MYO16: variants seen among roughly 807,000 people sequenced by gnomAD.
MYO16 encodes the protein myosin XVI.
In MYO16, 94 loss-of-function variants were observed where a neutral mutation model predicts 205.3. That is an observed-to-expected ratio of 0.46 (90% CI 0.39 to 0.54). The LOEUF (loss-of-function observed/expected upper bound fraction) is 0.54, where lower values mean the gene tolerates loss of function less well. MYO16 is among the 20% of genes least tolerant of loss of function. The probability of loss-of-function intolerance (pLI) is 0.00; values close to 1 mark genes in which losing one functional copy is unlikely to be tolerated. For missense variants in MYO16, 2,315 were observed against 2,387.5 expected (o/e 0.97, Z 0.63); for synonymous variants, 988 against 954.0 (o/e 1.04, Z -0.66).
chr13:108,677,651 C>T (rs1181812901), intron 2 of MYO16, among the ~76,000 whole-genome samples: 1 of 151,896 alleles, frequency 6.6e-6, no homozygotes, highest in Non-Finnish European at 1.5e-5. Context: ...AGTGTCACTT[C>T]CTCTGTGTCA....
chr13:108,842,793 G>C (rs928906277), intron 9 of MYO16, among the ~76,000 whole-genome samples: 6 of 152,068 alleles, frequency 3.9e-5, no homozygotes, highest in African/African-American at 1.4e-4. Flanking sequence ...TCTCAAAGAG[G>C]TATGTACTGT....
At chr13:109,191,989 T>A (rs1879938262) in intron 34 of MYO16, among the ~76,000 whole-genome samples, 1 of 152,158 alleles carries the variant, frequency 6.6e-6, no homozygotes, top group African/African-American at 2.4e-5. Flanking sequence ...GACCCCATAT[T>A]TCTGATAATT....
chr13:108,593,113 C>T (rs2139287135), upstream of MYO16, among the ~76,000 whole-genome samples: 1 of 152,196 alleles, frequency 6.6e-6, no homozygotes, highest in Admixed American at 6.5e-5. Context: ...TGAGGGGCCT[C>T]TTTTCTCTCT....
Position 108,898,127 on chromosome 13 carries a change from A to G in MYO16, c.1771A>G (p.Thr591Ala). Residue 591 changes from threonine (T) to alanine (A), a missense_variant, in exon 15 of 35, where the codon ACC (threonine) becomes GCC (alanine). By Grantham distance (58) the Thr-to-Ala change is moderately conservative. This residue lies in a region of MYO16 where 1,213 missense variants were observed against 1,274.4 expected (regional missense o/e 0.95). Transcript: ENST00000457511. Reference sequence around the variant, plus strand: ...GTTCTGTGAGAGGAAACAACAGCTAACCGGAGGTAAGTGCAGTATTTGACA... The same window carrying G: ...GTTCTGTGAGAGGAAACAACAGCTAGCCGGAGGTAAGTGCAGTATTTGACA... ...LQFCERKQQL[T>A]GARIYTYLLE... The G allele has an allele frequency of 6.2e-7, 1 of 1,607,364 alleles. No homozygotes were observed. The highest frequency in any genetic ancestry group is 2.2e-5 in the East Asian group (1 of 44,846).
intron 1 of MYO16, among the ~76,000 whole-genome samples, chr13:108,634,645 T>C (rs1880143487): frequency 6.6e-6 from 1 of 152,188 alleles, no homozygotes; most frequent in South Asian, 2.1e-4. Flanking sequence ...GGAATCCACT[T>C]TACTTAAACC....
chr13:108,855,522 T>A lies in MYO16; in HGVS notation c.1328T>A (p.Ile443Asn). Residue 443 changes from isoleucine to asparagine, a missense_variant, in exon 11 of 35, where the codon ATT becomes AAT. Ile to Asn is a moderately radical substitution (Grantham distance 149). This residue lies in a region of MYO16 where 1,213 missense variants were observed against 1,274.4 expected (regional missense o/e 0.95). Transcript: ENST00000457511. ...AATGATGGCAGCCTGCTCTATGAGA[T>A]TCAGAAGCGCTTTGGGAACAATCAG... ...ELNDGSLLYE[I>N]QKRFGNNQIY... is the part of the protein sequence containing the mutation. 1 of 1,594,322 alleles carries A rather than the reference T, an allele frequency of 6.3e-7. No individual in the cohort carries two copies. Among genetic ancestry groups the A allele is most frequent in the Non-Finnish European group, 8.6e-7 (1 of 1,164,660 alleles).
chr13:108,801,838 A>G (rs1886977499), intron 6 of MYO16, among the ~76,000 whole-genome samples: 1 of 152,246 alleles, frequency 6.6e-6, no homozygotes, highest in Admixed American at 6.5e-5. Flanking sequence ...GTTAGTACAC[A>G]GTGAGCTCTC....
At chr13:109,151,115 C>T (rs1460654733) in intron 32 of MYO16, among the ~76,000 whole-genome samples, 1 of 152,178 alleles carries the variant, frequency 6.6e-6, no homozygotes, top group African/African-American at 2.4e-5. Context: ...GTTTAGGCTC[C>T]TTATGCCTGA....
At chr13:108,561,775 C>T in the MYO16 span, among the ~76,000 whole-genome samples, 1 of 152,112 alleles carries the variant, frequency 6.6e-6, no homozygotes, top group Non-Finnish European at 1.5e-5. Flanking sequence ...AATGCATATT[C>T]AAAACCATAA....
chr13:109,178,202 C>T (rs1363386901), intron 33 of MYO16, among the ~76,000 whole-genome samples: 2 of 152,124 alleles, frequency 1.3e-5, no homozygotes, highest in Admixed American at 6.5e-5. Context: ...TGTGTCCTGC[C>T]ACCACAGTGT....
At chr13:109,064,474 A>C (rs1341231364) in intron 27 of MYO16, among the ~76,000 whole-genome samples, 1 of 152,216 alleles carries the variant, frequency 6.6e-6, no homozygotes, top group African/African-American at 2.4e-5. Context: ...AAGTTCCACC[A>C]ATATGTTCTG....
At chr13:108,867,318 A>G in intron 12 of MYO16, among the ~76,000 whole-genome samples, 1 of 152,296 alleles carries the variant, frequency 6.6e-6, no homozygotes, top group African/African-American at 2.4e-5. Flanking sequence ...GGGAGCTGTG[A>G]TTGTATTACT....
intron 4 of MYO16, among the ~76,000 whole-genome samples, chr13:108,761,478 TG>T (rs1885607839): frequency 6.4e-5 from 2 of 31,106 alleles, no homozygotes; most frequent in African/African-American, 9.0e-5. Flanking sequence ...TTATCATTTC[TG>T]TTACCATCTA....
chr13:108,989,514 C>A (rs1037325702), intron 20 of MYO16, among the ~76,000 whole-genome samples: 1 of 152,042 alleles, frequency 6.6e-6, no homozygotes, highest in African/African-American at 2.4e-5. Flanking sequence ...ATATTGCTTT[C>A]TTAATTTATC....
At chr13:108,517,454 T>C in the MYO16 span, among the ~76,000 whole-genome samples, 3 of 152,176 alleles carry the variant, frequency 2.0e-5, no homozygotes, top group Admixed American at 2.0e-4. Context: ...GCTGGTGAAT[T>C]CAAAATATCA....
intron 20 of MYO16, among the ~76,000 whole-genome samples, chr13:108,971,739 C>A (rs937035438): frequency 6.6e-6 from 1 of 151,884 alleles, no homozygotes; most frequent in Non-Finnish European, 1.5e-5. Flanking sequence ...TATGATTAAT[C>A]GCATTGATTT....
At chr13:109,107,569 T>G (rs2139729250) in intron 28 of MYO16, among the ~76,000 whole-genome samples, 1 of 152,174 alleles carries the variant, frequency 6.6e-6, no homozygotes, top group East Asian at 1.9e-4. Flanking sequence ...GACAATTGTA[T>G]TAGGGCCCTT....
At chr13:108,832,469 C>T (rs1470104345) in intron 9 of MYO16, among the ~76,000 whole-genome samples, 4 of 151,934 alleles carry the variant, frequency 2.6e-5, no homozygotes, top group Non-Finnish European at 5.9e-5. Context: ...TCCTGAATAC[C>T]TCTTTTTCAC....
chr13:109,142,566 G>A (rs1877150256), intron 32 of MYO16, among the ~76,000 whole-genome samples: 1 of 152,124 alleles, frequency 6.6e-6, no homozygotes, highest in South Asian at 2.1e-4. Context: ...CACCACAGAT[G>A]GGAAATTGGC....
Sources: gnomAD v4.1 joint callset for allele counts (sites outside exome capture counted in the v4.1 genomes callset) on GRCh38, gnomAD v4.1.1 for gene constraint, gnomAD v4.1.1 regional missense constraint, MANE v1.5 for transcripts, NCBI Gene and HGNC (gene_info 2026-07-23, HGNC 2026-07-21) for gene names.